The following GRM7 variants were observed in gnomAD, a reference collection of about 807,000 sequenced individuals.
GRM7 encodes the protein metabotropic glutamate receptor 7.
GRM7 carries 35 observed loss-of-function variants against 84.5 expected under a neutral mutation model. The observed-to-expected ratio is 0.41, with a 90% CI of 0.32 to 0.55. GRM7 has a LOEUF of 0.55. Among genes scored for constraint, GRM7 ranks in the 20% least tolerant of loss-of-function variants. The pLI is 0.19. For synonymous variants in GRM7, 487 were observed against 455.1 expected, an observed-to-expected ratio of 1.07 and a Z score of -0.89; for missense variants, 1,003 against 1,194.6, an observed-to-expected ratio of 0.84 and a Z score of 2.36.
At chr3:7,091,211 C>CAAAAAAAA (rs36113765) in intron 1 of GRM7, among the ~76,000 whole-genome samples, 2 of 137,182 alleles carry the variant, frequency 1.5e-5, no homozygotes, top group Non-Finnish European at 1.6e-5. Flanking sequence ...AGTGAAGTAC[C>CAAAAAAAA]AAAAAAAAAA....
At chr3:7,699,809 T>G (rs1168091652) in intron 9 of GRM7, among the ~76,000 whole-genome samples, 1 of 152,202 alleles carries the variant, frequency 6.6e-6, no homozygotes, top group Non-Finnish European at 1.5e-5. Context: ...AAAAATAACC[T>G]GATTGCCTAA....
chr3:7,705,749 AAG>A (rs1701365092), intron 9 of GRM7, among the ~76,000 whole-genome samples: 1 of 152,168 alleles, frequency 6.6e-6, no homozygotes, highest in Non-Finnish European at 1.5e-5. Flanking sequence ...GTTCAAGAAA[AAG>A]CCTGGGAAAT....
intron 6 of GRM7, among the ~76,000 whole-genome samples, chr3:7,456,453 T>TC (rs1211246390): frequency 1.3e-5 from 2 of 151,532 alleles, no homozygotes; most frequent in Non-Finnish European, 2.9e-5. Context: ...TTTTTTCCTT[T>TC]TTTTTTTTAA....
At chr3:7,176,016 A>G (rs923309476) in intron 2 of GRM7, among the ~76,000 whole-genome samples, 1 of 152,122 alleles carries the variant, frequency 6.6e-6, no homozygotes, top group Non-Finnish European at 1.5e-5. Context: ...ATCGTTACAT[A>G]CAATAGTTTC....
chr3:7,591,574 G>T, intron 8 of GRM7: 1 of 387,710 alleles, frequency 2.6e-6, no homozygotes, highest in South Asian at 1.9e-5. Context: ...AAAGATAGAG[G>T]TACCAGAATG....
chr3:7,263,751 C>T (rs768375467), intron 2 of GRM7, among the ~76,000 whole-genome samples: 25 of 152,074 alleles, frequency 1.6e-4, no homozygotes, highest in Non-Finnish European at 3.5e-4. Flanking sequence ...GGGGCACTGC[C>T]AGGGACAGGG....
At chr3:7,295,109 T>C (rs1699769369) in intron 2 of GRM7, among the ~76,000 whole-genome samples, 1 of 152,242 alleles carries the variant, frequency 6.6e-6, no homozygotes, top group African/African-American at 2.4e-5. Flanking sequence ...ATTTTCCCTT[T>C]GTTTTATTCT....
chr3:7,157,519 C>G (rs1436562462), intron 2 of GRM7, among the ~76,000 whole-genome samples: 1 of 151,386 alleles, frequency 6.6e-6, no homozygotes, highest in South Asian at 2.1e-4. Flanking sequence ...TCTTTTTCCT[C>G]TAACTAGATC....
chr3:7,050,063 A>G (rs918059601), intron 1 of GRM7, among the ~76,000 whole-genome samples: 4 of 151,872 alleles, frequency 2.6e-5, no homozygotes, highest in African/African-American at 7.2e-5. Context: ...GTTGCTGGGT[A>G]GTAATGAATG....
rs189089086 is a variant in GRM7 at position 7,703,992 on chromosome 3, T to C, written c.2698+23697T>C. 2.4e-4 allele frequency among the ~76,000 whole-genome samples: 37 copies of C among 152,356 alleles called. No homozygotes were observed. In the East Asian group the frequency reaches 6.7e-3, roughly 28 times the overall value. ...AATTTCTAAACCCATCCATCATTTC[T>C]GCTGGGTTCCATTGACCAGCACACA... On this transcript the variant is annotated intron_variant, in intron 9 of 9. Coordinates refer to ENST00000357716, the MANE Select transcript of GRM7 (RefSeq NM_000844.4).
intron 5 of GRM7, among the ~76,000 whole-genome samples, chr3:7,450,275 C>T (rs1317122314): frequency 6.6e-6 from 1 of 152,096 alleles, no homozygotes; most frequent in East Asian, 1.9e-4. Flanking sequence ...TAAAGTTCGA[C>T]AGCATACTCT....
chr3:7,257,887 G>C (rs888865006), intron 2 of GRM7, among the ~76,000 whole-genome samples: 1 of 151,922 alleles, frequency 6.6e-6, no homozygotes, highest in South Asian at 2.1e-4. Flanking sequence ...TAGGAACATG[G>C]GTGATTAGCC....
intron 9 of GRM7, chr3:7,693,587 G>C (rs924069703): frequency 3.4e-6 from 4 of 1,193,606 alleles, no homozygotes; most frequent in Non-Finnish European, 4.8e-6. Flanking sequence ...ATTTCCTGTG[G>C]TTTGCCAAAG....
At position 7,680,092 on chromosome 3, in the gene GRM7, G is replaced by A. The variant is rs1173493898; in HGVS notation, c.2495G>A (p.Ser832Asn). Reference sequence around the variant, plus strand: ...ACGCTTACAATCTCCATGAACCTAAGTGCATCAGTGGCGCTGGGGATGCTA... The same window carrying A: ...ACGCTTACAATCTCCATGAACCTAAATGCATCAGTGGCGCTGGGGATGCTA... ...TTTLTISMNL[S>N]ASVALGMLYM... is the part of the protein sequence containing the mutation. Residue 832 changes from serine (S) to asparagine (N), a missense_variant, in exon 9 of 10, where the codon AGT becomes AAT. Coordinates refer to ENST00000357716, the MANE Select transcript of GRM7 (RefSeq NM_000844.4). 6.2e-7 allele frequency: 1 copy of A among 1,613,824 alleles called. No individual in the cohort carries two copies. Among genetic ancestry groups the A allele is most frequent in the Non-Finnish European group, 8.5e-7 (1 of 1,179,838 alleles).
At chr3:7,219,997 A>T (rs1439905588) in intron 2 of GRM7, among the ~76,000 whole-genome samples, 1 of 152,244 alleles carries the variant, frequency 6.6e-6, no homozygotes, top group Non-Finnish European at 1.5e-5. Context: ...AAACAAAAAA[A>T]TAAATAAAGT....
chr3:7,385,411 C>A (rs553826712), intron 4 of GRM7, among the ~76,000 whole-genome samples: 1 of 150,594 alleles, frequency 6.6e-6, no homozygotes, highest in African/African-American at 2.4e-5. Flanking sequence ...CGCCATTCTC[C>A]TGCCTCAGCC....
chr3:7,588,765 G>A (rs1443270563), intron 8 of GRM7, among the ~76,000 whole-genome samples: 1 of 152,174 alleles, frequency 6.6e-6, no homozygotes, highest in Non-Finnish European at 1.5e-5. Context: ...AAATGTATTG[G>A]TGGACAAATG....
At position 7,149,344 on chromosome 3, in the gene GRM7, A is replaced by T. The variant is rs559729663; in HGVS notation, c.736+2676A>T. ...TTGCTGCTGCAAAGGTGATTCTGGT[A>T]TTTAAAGACACACATCCCATGACCT... On this transcript the variant is annotated intron_variant, in intron 2 of 9. Coordinates refer to ENST00000357716, the MANE Select transcript of GRM7 (RefSeq NM_000844.4). Among the ~76,000 whole-genome samples the T allele has an allele frequency of 1.2e-4, 18 of 152,286 alleles. 1 individual carries two copies. In the South Asian group the frequency reaches 2.9e-3, roughly 25 times the overall value.
At chr3:7,417,173 G>A (rs533589992) in intron 5 of GRM7, among the ~76,000 whole-genome samples, 3 of 152,158 alleles carry the variant, frequency 2.0e-5, no homozygotes, top group East Asian at 3.9e-4. Flanking sequence ...TAACTAATAT[G>A]TTTCTTCCAT....
Sources: gnomAD v4.1 joint callset for allele counts (sites outside exome capture counted in the v4.1 genomes callset) on GRCh38, gnomAD v4.1.1 for gene constraint, MANE v1.5 for transcripts, NCBI Gene and HGNC (gene_info 2026-07-23, HGNC 2026-07-21) for gene names.